The following MAGI3 variants were observed in gnomAD, a reference collection of about 807,000 sequenced individuals.
MAGI3 encodes membrane associated guanylate kinase, WW and PDZ domain containing 3.
Under a neutral mutation model 121.8 loss-of-function variants are expected in MAGI3, and 43 were observed. The observed-to-expected ratio is 0.35, with a 90% CI of 0.28 to 0.46. MAGI3 has a LOEUF of 0.46. Ranked by LOEUF, MAGI3 falls within the 20% of genes least tolerant of loss-of-function variation. The pLI is 1.00. For missense variants in MAGI3, 1,547 were observed against 1,797.3 expected, an observed-to-expected ratio of 0.86 and a Z score of 2.52; for synonymous variants, 553 against 639.3, an observed-to-expected ratio of 0.86 and a Z score of 2.04.
At chr1:113,395,116 T>TTTTTTTTTTA (rs1651035975) in intron 1 of MAGI3, among the ~76,000 whole-genome samples, 31 of 90,520 alleles carry the variant, frequency 3.4e-4, no homozygotes, top group African/African-American at 1.4e-3. Flanking sequence ...TTTTTTTTTT[T>TTTTTTTTTTA]AGTGGGATAT....
At chr1:113,505,126 G>T (rs1399329237) in intron 1 of MAGI3, among the ~76,000 whole-genome samples, 2 of 152,100 alleles carry the variant, frequency 1.3e-5, no homozygotes, top group African/African-American at 4.8e-5. Context: ...ACAGGAGTAG[G>T]AAGGAAAAGG....
chr1:113,450,787 A>G (rs926563070), intron 1 of MAGI3: 4 of 785,064 alleles, frequency 5.1e-6, no homozygotes, highest in Non-Finnish European at 9.1e-6. Flanking sequence ...AGGAGTTGTC[A>G]GGAAAACTGC....
intron 1 of MAGI3, among the ~76,000 whole-genome samples, chr1:113,442,092 C>T (rs1201583814): frequency 2.6e-5 from 4 of 152,096 alleles, no homozygotes; most frequent in East Asian, 3.8e-4. Flanking sequence ...CTTAGATTTA[C>T]TAGATGGTTT....
chr1:113,445,914 G>A (rs985819924), intron 1 of MAGI3, among the ~76,000 whole-genome samples: 1 of 152,124 alleles, frequency 6.6e-6, no homozygotes, highest in Non-Finnish European at 1.5e-5. Context: ...ACTGCAGAGT[G>A]TAATGAAAGA....
At chr1:113,477,300 T>G (rs1655880718) in intron 1 of MAGI3, among the ~76,000 whole-genome samples, 2 of 152,266 alleles carry the variant, frequency 1.3e-5, no homozygotes, top group South Asian at 4.1e-4. Flanking sequence ...GCCTGTTAAT[T>G]GATGCAGTTT....
At chr1:113,400,493 G>A (rs1347478990) in intron 1 of MAGI3, among the ~76,000 whole-genome samples, 1 of 152,096 alleles carries the variant, frequency 6.6e-6, no homozygotes, top group African/African-American at 2.4e-5. Context: ...AATCATCATA[G>A]CAAGTACTTT....
In MAGI3 at chr1:113,590,649, ACTT is replaced by A. The variant is rs1648644516; in HGVS notation, c.931_933del (p.Phe311del). ...GCCTACACTGACACAGGGATGATCT[ACTT>A]CATTGAGTAAGCAAATGTCTCTATC... On this transcript the variant is annotated inframe_deletion, in exon 5 of 21. Transcript: ENST00000307546. The A allele has an allele frequency of 6.8e-6, 11 of 1,612,994 alleles. No homozygotes were observed. The highest frequency in any genetic ancestry group is 8.5e-6 in the Non-Finnish European group (10 of 1,179,462).
chr1:113,607,591 A>G (rs1048037045), intron 6 of MAGI3, among the ~76,000 whole-genome samples: 2 of 152,214 alleles, frequency 1.3e-5, no homozygotes, highest in African/African-American at 2.4e-5. Flanking sequence ...TTCAACTTCA[A>G]GGTAAAATCA....
intron 6 of MAGI3, among the ~76,000 whole-genome samples, chr1:113,608,732 G>A (rs1354708461): frequency 1.3e-5 from 2 of 152,116 alleles, no homozygotes; most frequent in African/African-American, 2.4e-5. Context: ...AAGGGGCTCC[G>A]AGAAACTGGA....
chr1:113,391,204 C>T lies in MAGI3; in HGVS notation c.171C>T (p.Cys57=), dbSNP rs550339104. The T allele has an allele frequency of 1.3e-6, 2 of 1,553,208 alleles. No homozygotes were observed. The highest frequency in any genetic ancestry group is 8.7e-7 in the Non-Finnish European group (1 of 1,148,814). The change falls in exon 1 of 21, where the codon TGC becomes TGT. Residue 57 remains cysteine, a synonymous_variant. Coordinates refer to ENST00000307546, the MANE Select transcript of MAGI3 (RefSeq NM_001142782.2). This position sits in a 1 kb window ranked among gnomAD's most constrained non-coding sequence, Gnocchi z 4.4. ...RLREEPGGGT[C]CVVSGKAPSP... is the part of the protein sequence containing the mutation. ...GCGAGGAGCCCGGCGGGGGCACCTG[C>T]TGCGTCGTCTCGGGCAAGGCGCCCA...
intron 1 of MAGI3, among the ~76,000 whole-genome samples, chr1:113,423,908 G>A (rs1652862196): frequency 6.6e-6 from 1 of 152,126 alleles, no homozygotes; most frequent in South Asian, 2.1e-4. Context: ...TGGGGGCGGG[G>A]ACTGGTGTGT....
intron 2 of MAGI3, among the ~76,000 whole-genome samples, chr1:113,573,581 CT>C (rs1647440665): frequency 6.6e-6 from 1 of 152,088 alleles, no homozygotes; most frequent in African/African-American, 2.4e-5. Context: ...GATTTCCGTT[CT>C]TTTGCATTTG....
In MAGI3 at chr1:113,416,284, T is replaced by TATTAATTATGTAATTAATTATGTA. The variant is rs74916748; in HGVS notation, c.316+24957_316+24980dup. On this transcript the variant is annotated intron_variant, in intron 1 of 20. Coordinates refer to ENST00000307546, the MANE Select transcript of MAGI3 (RefSeq NM_001142782.2). ...TATTAATTATGTAATTAATTACACA[T>TATTAATTATGTAATTAATTATGTA]ATTAATTATGTAATTAATTATGTAA... is the stretch of plus-strand genomic sequence containing the variant. Among the ~76,000 whole-genome samples, 5 of 27,864 alleles carry TATTAATTATGTAATTAATTATGTA rather than the reference T, an allele frequency of 1.8e-4. 1 individual carries two copies. Among genetic ancestry groups the TATTAATTATGTAATTAATTATGTA allele is most frequent in the South Asian group, 2.4e-3 (2 of 820 alleles). The allele number at this position is 27,864 out of a possible 152,430, so 18.3% of individuals were successfully genotyped here. A position where few individuals can be genotyped will look rare whatever the true frequency, so the allele number is the denominator to read the frequency against.
chr1:113,436,997 G>A (rs1570673188), intron 1 of MAGI3, among the ~76,000 whole-genome samples: 1 of 151,898 alleles, frequency 6.6e-6, no homozygotes, highest in Middle Eastern at 3.4e-3. Flanking sequence ...TGTATTTTTA[G>A]TAGAGACAGG....
Position 113,683,047 on chromosome 1 carries a change from CAGA to C in MAGI3, c.3484_3486del (p.Glu1162del). The C allele has an allele frequency of 6.2e-7, 1 of 1,613,806 alleles. No individual in the cohort carries two copies. Among genetic ancestry groups the C allele is most frequent in the Non-Finnish European group, 8.5e-7 (1 of 1,179,870 alleles). ...TTGAGAGTTCAGATATGTGAAAAGG[CAGA>C]AGAATTAAAGGACATTGTGCCTGAA... On this transcript the variant is annotated inframe_deletion, in exon 21 of 21. Transcript: ENST00000307546.
At position 113,491,153 on chromosome 1, in the gene MAGI3, A is replaced by G. The variant is rs181083723; in HGVS notation, c.317-58362A>G. 2.3e-3 allele frequency among the ~76,000 whole-genome samples: 346 copies of G among 152,326 alleles called. 2 individuals carry two copies. Among genetic ancestry groups the G allele is most frequent in the African/African-American group, 8.0e-3 (332 of 41,570 alleles). On this transcript the variant is annotated intron_variant, in intron 1 of 20. Transcript: ENST00000307546. Reference sequence around the variant, plus strand: ...AGTAAAACACTCCTCAGTAAATGCAAAAGAACTGAAATCATAACGAACAAT... The same window carrying G: ...AGTAAAACACTCCTCAGTAAATGCAGAAGAACTGAAATCATAACGAACAAT...
intron 9 of MAGI3, among the ~76,000 whole-genome samples, chr1:113,634,219 G>T (rs1228145460): frequency 6.6e-6 from 1 of 151,994 alleles, no homozygotes; most frequent in Non-Finnish European, 1.5e-5. Context: ...TTCTTTTGCT[G>T]TGCAGAAGCT....
At chr1:113,405,503 G>C (rs182506008) in intron 1 of MAGI3, among the ~76,000 whole-genome samples, 1 of 77,570 alleles carries the variant, frequency 1.3e-5, no homozygotes, top group South Asian at 4.4e-4. Flanking sequence ...AAAAAAAAAA[G>C]ACTGAAGGCT....
intron 8 of MAGI3, among the ~76,000 whole-genome samples, 153 bp downstream of exon 8, chr1:113,619,983 C>T (rs945307879): frequency 1.3e-5 from 2 of 152,112 alleles, no homozygotes; most frequent in Non-Finnish European, 2.9e-5. Flanking sequence ...CTTAATAAAA[C>T]ATCTGAACAT....
Sources: allele counts gnomAD v4.1 joint callset (sites outside exome capture counted in the v4.1 genomes callset), GRCh38; gene constraint gnomAD v4.1.1; non-coding constraint Gnocchi (gnomAD v3.1); transcripts MANE v1.5; gene names NCBI Gene and HGNC (gene_info 2026-07-23, HGNC 2026-07-21).